Variants in PON2 observed in about 807,000 individuals in gnomAD.
The protein encoded by PON2 is serum paraoxonase/arylesterase 2.
In PON2, 27 loss-of-function variants were observed where a neutral mutation model predicts 36.6. That is an observed-to-expected ratio of 0.74 (90% CI 0.54 to 1.02). The LOEUF (loss-of-function observed/expected upper bound fraction) is 1.02. PON2 is among the 50% of genes least tolerant of loss of function. PON2 has a pLI of 0.00. For synonymous variants in PON2, 149 were observed against 156.3 expected (o/e 0.95, Z 0.35); for missense variants, 363 against 421.1 (o/e 0.86, Z 1.21).
In PON2 at chr7:95,406,118, C is replaced by T; in HGVS notation, c.906+1G>A. On this transcript the variant is annotated splice_donor_variant, in intron 8 of 8. Coordinates refer to ENST00000222572, the MANE Select transcript of PON2 (RefSeq NM_000305.3). LOFTEE classifies it high-confidence loss of function. ...GTTTAAAAAACTGAAAATATAAAAA[C>T]CTCTGACGAGGGAGGATTGTTCGGG... 1 of 1,613,376 alleles carries T rather than the reference C, an allele frequency of 6.2e-7. No individual in the cohort carries two copies. The highest frequency in any genetic ancestry group is 1.1e-5 in the South Asian group (1 of 91,016).
At position 95,413,115 on chromosome 7, in the gene PON2, CAAAAAAAAAAAAAAAA is replaced by C. The variant is rs57147177; in HGVS notation, c.202-654_202-639del. On this transcript the variant is annotated intron_variant, in intron 3 of 8. Coordinates refer to ENST00000222572, the MANE Select transcript of PON2 (RefSeq NM_000305.3). ...GCAACATAGCAAGACTCTGTCTCTA[CAAAAAAAAAAAAAAAA>C]AAAAAAAAAAAAATTAGCTGAGTGT... 6.3e-5 allele frequency: 4 copies of C among 63,410 alleles called. No individual in the cohort carries two copies. In the Admixed American group the frequency reaches 8.8e-4, roughly 14 times the overall value. The allele number at this position is 63,410 out of a possible 1,614,324, so 3.9% of individuals were successfully genotyped here. A position where few individuals can be genotyped will look rare whatever the true frequency, so the allele number is the denominator to read the frequency against.
chr7:95,410,186 A>T, intron 5 of PON2, 85 bp from the exon 6 acceptor site: 2 of 1,155,898 alleles, frequency 1.7e-6, no homozygotes, highest in Non-Finnish European at 2.5e-6. Context: ...AGATTTATGC[A>T]ACATGTGCTT....
At chr7:95,409,636 TTATA>T (rs1215568619) in intron 6 of PON2, 1 of 152,066 alleles carries the variant, frequency 6.6e-6, no homozygotes, top group Non-Finnish European at 1.4e-5. Flanking sequence ...ACTTTATATA[TTATA>T]TATAAATACA....
chr7:95,411,518 A>T, intron 5 of PON2, 135 bp downstream of exon 5: 1 of 1,127,340 alleles, frequency 8.9e-7, no homozygotes, highest in East Asian at 2.5e-5. Flanking sequence ...TAAATAAGGA[A>T]ATATAAGCTC....
rs534945041 is a variant in PON2 at position 95,417,424 on chromosome 7, G to T, written c.146-1127C>A. 3.9e-5 allele frequency among the ~76,000 whole-genome samples: 6 copies of T among 152,200 alleles called. No individual in the cohort carries two copies. The South Asian group carries it at 8.3e-4, about 21-fold the overall frequency. ...AGGAGTTCTCAATCTGGGGTCTGTG[G>T]ATCACTTTTGGGCTTCAAAGTATCT... On this transcript the variant is annotated intron_variant, in intron 2 of 8. Transcript: ENST00000222572.
Position 95,410,072 on chromosome 7 carries a change from G to A in PON2, c.524C>T (p.Ala175Val). The change falls in exon 6 of 9, where the codon GCA becomes GTA. Residue 175 changes from alanine (A) to valine (V), a missense_variant. Ala to Val is a moderately conservative substitution (Grantham distance 64). Transcript: ENST00000222572. ...SVNDITAVGP[A>V]HFYATNDHYF... ...GTGGTCATTTGTGGCATAGAAATGT[G>A]CCGGTCCAACAGCTGTGATGTCATT... 6 of 1,613,728 alleles carry A rather than the reference G, an allele frequency of 3.7e-6. No individual in the cohort carries two copies. Among genetic ancestry groups the A allele is most frequent in the Non-Finnish European group, 5.1e-6 (6 of 1,179,796 alleles).
intron 2 of PON2, among the ~76,000 whole-genome samples, chr7:95,418,656 A>G (rs1320880761): frequency 1.3e-5 from 2 of 152,162 alleles, no homozygotes; most frequent in African/African-American, 4.8e-5. Flanking sequence ...ATTTTATTTC[A>G]AAACAAATTT....
chr7:95,432,166 T>C (rs111581731), intron 1 of PON2, among the ~76,000 whole-genome samples: 1 of 152,154 alleles, frequency 6.6e-6, no homozygotes, highest in East Asian at 1.9e-4. Context: ...TCCTACCACT[T>C]TGGGAGGCTG....
At position 95,416,023 on chromosome 7, in the gene PON2, T is replaced by C. The variant is rs1789054622; in HGVS notation, c.201+219A>G. 8 of 736,076 alleles carry C rather than the reference T, an allele frequency of 1.1e-5. No individual in the cohort carries two copies. In the South Asian group the frequency reaches 1.5e-4, roughly 14 times the overall value. 45.6% of individuals were successfully genotyped at this position (736,076 alleles called of 1,614,324 possible). On this transcript the variant is annotated intron_variant, in intron 3 of 8. Transcript: ENST00000222572. ...ATTGCATTGGAATATTTTAGTGCAA[T>C]GCAATGGGGAAATAAAGAACACTAT...
rs1789058346 is a variant in PON2 at position 95,416,226 on chromosome 7, GGAA to G, written c.201+13_201+15del. The G allele has an allele frequency of 1.2e-6, 2 of 1,610,692 alleles. No homozygotes were observed. The highest frequency in any genetic ancestry group is 1.7e-4 in the Middle Eastern group (1 of 6,054). Reference sequence around the variant, plus strand: ...TATCTCCTCTGCTGAATTTGGGGAAGGAAGAAGACACTCACCACACTAAAAAAA... The same window carrying G: ...TATCTCCTCTGCTGAATTTGGGGAAGGAAGACACTCACCACACTAAAAAAA... On this transcript the variant is annotated intron_variant, in intron 3 of 8. Transcript: ENST00000222572.
chr7:95,416,415 T>C, intron 2 of PON2, 118 bp from the exon 3 acceptor site: 3 of 1,193,364 alleles, frequency 2.5e-6, no homozygotes, highest in Non-Finnish European at 3.7e-6. Flanking sequence ...ATGGTTCTGA[T>C]GTTTTTTCCA....
At chr7:95,431,824 G>C (rs1029965708) in intron 1 of PON2, among the ~76,000 whole-genome samples, 1 of 151,002 alleles carries the variant, frequency 6.6e-6, no homozygotes, top group East Asian at 1.9e-4. Context: ...TTTAATTTGA[G>C]ATAAACAATG....
At chr7:95,428,370 A>T (rs971145743) in intron 1 of PON2, among the ~76,000 whole-genome samples, 1 of 152,196 alleles carries the variant, frequency 6.6e-6, no homozygotes, top group African/African-American at 2.4e-5. Context: ...CAAGGAATCC[A>T]TGGGTAGAAT....
intron 1 of PON2, among the ~76,000 whole-genome samples, chr7:95,430,286 A>G (rs1294686070): frequency 6.6e-6 from 1 of 151,614 alleles, no homozygotes; most frequent in East Asian, 1.9e-4. Flanking sequence ...GCAACACAGC[A>G]AGACCCCCAT....
intron 8 of PON2, 47 bp from the exon 9 acceptor site, chr7:95,405,535 T>A: frequency 6.4e-7 from 1 of 1,551,340 alleles, no homozygotes; most frequent in Non-Finnish European, 8.9e-7. Context: ...CGTACATGCA[T>A]GTCACTCAAT....
chr7:95,411,565 G>C, intron 5 of PON2, 88 bp downstream of exon 5: 2 of 1,488,198 alleles, frequency 1.3e-6, no homozygotes, highest in Non-Finnish European at 1.9e-6. Flanking sequence ...ATACATTAGC[G>C]CTTATAAAAG....
At chr7:95,434,449 C>T (rs1192218103) in intron 1 of PON2, 1 of 171,198 alleles carries the variant, frequency 5.8e-6, no homozygotes, top group African/African-American at 2.4e-5. Flanking sequence ...TTATTAAAGA[C>T]GGGTCTGGTT....
chr7:95,410,898 C>G (rs1172961246), intron 5 of PON2, among the ~76,000 whole-genome samples: 1 of 151,638 alleles, frequency 6.6e-6, no homozygotes, highest in Non-Finnish European at 1.5e-5. Context: ...TTTTTTTTAT[C>G]AAGTGCATTT....
At chr7:95,416,081 T>C in intron 3 of PON2, 161 bp downstream of exon 3, 1 of 1,343,710 alleles carries the variant, frequency 7.4e-7, no homozygotes, top group South Asian at 1.4e-5. Flanking sequence ...TCTCTACATT[T>C]AGAAAAGCTG....
Sources: allele counts gnomAD v4.1 joint callset (sites outside exome capture counted in the v4.1 genomes callset), GRCh38; gene constraint gnomAD v4.1.1; transcripts MANE v1.5; gene names NCBI Gene and HGNC (gene_info 2026-07-23, HGNC 2026-07-21).